The following UBE2H variants were observed in gnomAD, a reference collection of about 807,000 sequenced individuals.
UBE2H encodes the protein ubiquitin-conjugating enzyme E2 H.
A neutral mutation model predicts 29.0 loss-of-function variants in UBE2H; 3 were observed. The ratio of observed to expected loss-of-function variants is 0.10; its 90% CI spans 0.05 to 0.27. UBE2H has a LOEUF of 0.27. UBE2H is among the 10% of genes least tolerant of loss of function. The probability of loss-of-function intolerance (pLI) is 1.00; values close to 1 mark genes in which losing one functional copy is unlikely to be tolerated. For missense variants in UBE2H, 68 were observed against 228.2 expected (o/e 0.30, Z 4.52); for synonymous variants, 69 against 82.9 (o/e 0.83, Z 0.91).
chr7:129,853,836 T>C (rs963337436), intron 5 of UBE2H, among the ~76,000 whole-genome samples: 3 of 152,202 alleles, frequency 2.0e-5, no homozygotes, highest in Non-Finnish European at 4.4e-5. Context: ...AAATTTCAAC[T>C]GTGAATTGTT....
intron 1 of UBE2H, among the ~76,000 whole-genome samples, chr7:129,889,056 GAAC>G (rs1806422039): frequency 6.6e-6 from 1 of 152,166 alleles, no homozygotes; most frequent in Non-Finnish European, 1.5e-5. Flanking sequence ...AGGAAACTGA[GAAC>G]AATACATTTT....
chr7:129,902,138 T>TA (rs1305606989), intron 1 of UBE2H, among the ~76,000 whole-genome samples: 2 of 152,090 alleles, frequency 1.3e-5, no homozygotes, highest in African/African-American at 4.8e-5. Flanking sequence ...AGCAAATGAA[T>TA]AAAAAAATGT....
chr7:129,873,896 T>C (rs1223787624), intron 3 of UBE2H, among the ~76,000 whole-genome samples: 2 of 152,152 alleles, frequency 1.3e-5, no homozygotes, highest in African/African-American at 2.4e-5. Context: ...CCAGAGGCAA[T>C]GCATACAGCC....
rs527776375 is a variant in UBE2H, at chr7:129,906,284, C to T, written c.54-25313G>A. Reference sequence around the variant, plus strand: ...GCAGTGGCGCCACCTTGGCTCACTGCAACCTCCACCTCCCGGTTCAAGCGA... The same window carrying T: ...GCAGTGGCGCCACCTTGGCTCACTGTAACCTCCACCTCCCGGTTCAAGCGA... On this transcript the variant is annotated intron_variant, in intron 1 of 6. Transcript: ENST00000355621. 4.6e-5 allele frequency among the ~76,000 whole-genome samples: 7 copies of T among 151,722 alleles called. No individual in the cohort carries two copies. In the East Asian group the frequency reaches 1.2e-3, roughly 25 times the overall value.
intron 1 of UBE2H, among the ~76,000 whole-genome samples, chr7:129,899,518 G>A (rs1806666599): frequency 6.6e-6 from 1 of 152,110 alleles, no homozygotes; most frequent in South Asian, 2.1e-4. Flanking sequence ...GGTGACCCAT[G>A]GGGAAAAGCA....
chr7:129,844,498 C>T (rs1177733207), intron 5 of UBE2H, among the ~76,000 whole-genome samples: 1 of 152,030 alleles, frequency 6.6e-6, no homozygotes. Context: ...AAAAATGTGT[C>T]GATAATAATA....
intron 3 of UBE2H, among the ~76,000 whole-genome samples, chr7:129,876,143 G>A (rs535538632): frequency 2.6e-5 from 4 of 152,234 alleles, no homozygotes; most frequent in South Asian, 2.1e-4. Context: ...TGTAGCCTTC[G>A]TCATGTCCAG....
intron 1 of UBE2H, among the ~76,000 whole-genome samples, chr7:129,890,345 GTA>G (rs1227921735): frequency 4.0e-5 from 6 of 150,774 alleles, no homozygotes; most frequent in African/African-American, 1.2e-4. Context: ...GTATATATAT[GTA>G]TGTATATATA....
chr7:129,875,639 G>A (rs1290414840), intron 3 of UBE2H, among the ~76,000 whole-genome samples: 1 of 151,936 alleles, frequency 6.6e-6, no homozygotes, highest in Non-Finnish European at 1.5e-5. Flanking sequence ...GTTTTAATCT[G>A]CATTCTTTTG....
chr7:129,946,271 G>T (rs1030391710), intron 1 of UBE2H, among the ~76,000 whole-genome samples: 1 of 151,420 alleles, frequency 6.6e-6, no homozygotes, highest in Non-Finnish European at 1.5e-5. Flanking sequence ...ATGTTAGCCA[G>T]GATGGTCTCA....
chr7:129,926,090 T>C (rs574062483), intron 1 of UBE2H, among the ~76,000 whole-genome samples: 50 of 152,328 alleles, frequency 3.3e-4, no homozygotes, highest in African/African-American at 5.8e-4. Context: ...ACAAATCCAA[T>C]CTGTGACTGA....
Position 129,879,660 on chromosome 7 carries a change from A to G in UBE2H, c.131-18T>C, listed in dbSNP as rs763883636. 1 of 1,602,030 alleles carries G rather than the reference A, an allele frequency of 6.2e-7. No homozygotes were observed. Among genetic ancestry groups the G allele is most frequent in the Admixed American group, 1.7e-5 (1 of 58,824 alleles). ...ATATGGTGCTGAAATAAAAGTAAAA[A>G]TGTTCATCAGAACTACATCTCCAAA... On this transcript the variant is annotated intron_variant, in intron 2 of 6. Transcript: ENST00000355621.
At chr7:129,927,817 T>C (rs146481112) in intron 1 of UBE2H, among the ~76,000 whole-genome samples, 94 of 151,896 alleles carry the variant, frequency 6.2e-4, no homozygotes, top group Middle Eastern at 3.4e-3. Context: ...GGTGGGGAGG[T>C]AGCCAGAGAT....
chr7:129,920,584 T>A (rs12533464), intron 1 of UBE2H, among the ~76,000 whole-genome samples: 9,127 of 152,058 alleles, frequency 0.06, 353 homozygotes, highest in Non-Finnish European at 0.091. Flanking sequence ...AAATACTACA[T>A]ACATACATAT....
chr7:129,848,553 C>T (rs929073351), intron 5 of UBE2H, among the ~76,000 whole-genome samples: 2 of 152,218 alleles, frequency 1.3e-5, no homozygotes, highest in Non-Finnish European at 2.9e-5. Flanking sequence ...CTGTGACTTA[C>T]ATAGATCTCT....
At chr7:129,903,897 C>T (rs558051121) in intron 1 of UBE2H, among the ~76,000 whole-genome samples, 1 of 152,178 alleles carries the variant, frequency 6.6e-6, no homozygotes, top group Non-Finnish European at 1.5e-5. Flanking sequence ...GAGTGACACC[C>T]TGTCTCTTAA....
chr7:129,940,841 A>G (rs1007532349), intron 1 of UBE2H, among the ~76,000 whole-genome samples: 1 of 152,236 alleles, frequency 6.6e-6, no homozygotes, highest in African/African-American at 2.4e-5. Context: ...TTCTTCTCCA[A>G]TGTGATACCC....
At chr7:129,859,269 G>C (rs2056513545) in intron 3 of UBE2H, among the ~76,000 whole-genome samples, 2 of 152,178 alleles carry the variant, frequency 1.3e-5, no homozygotes, top group Non-Finnish European at 1.5e-5. Flanking sequence ...CCAGTGTCAT[G>C]ATAAAAGTTA....
At chr7:129,919,497 C>T (rs142409437) in intron 1 of UBE2H, among the ~76,000 whole-genome samples, 1 of 152,296 alleles carries the variant, frequency 6.6e-6, no homozygotes, top group East Asian at 1.9e-4. Flanking sequence ...CATGAACACT[C>T]ATTAAGTTTC....
Sources: allele counts gnomAD v4.1 joint callset (sites outside exome capture counted in the v4.1 genomes callset), GRCh38; gene constraint gnomAD v4.1.1; transcripts MANE v1.5; gene names NCBI Gene and HGNC (gene_info 2026-07-23, HGNC 2026-07-21).